CTNNA3: variants seen among roughly 807,000 people sequenced by gnomAD.
The protein encoded by CTNNA3 is catenin alpha 3.
Under a neutral mutation model 95.7 loss-of-function variants are expected in CTNNA3, and 76 were observed. The observed-to-expected ratio is 0.79, with a 90% CI of 0.66 to 0.96. The LOEUF (loss-of-function observed/expected upper bound fraction) is 0.96. Ranked by LOEUF, CTNNA3 falls within the 40% of genes least tolerant of loss-of-function variation. The probability of loss-of-function intolerance (pLI) is 0.00; values close to 1 mark genes in which losing one functional copy is unlikely to be tolerated. For synonymous variants in CTNNA3, 431 were observed against 374.4 expected (o/e 1.15, Z -1.74); for missense variants, 1,191 against 1,089.8 (o/e 1.09, Z -1.31).
Position 67,112,016 on chromosome 10 carries a change from A to G in CTNNA3, c.1047+68301T>C, listed in dbSNP as rs140354127. Among the ~76,000 whole-genome samples the G allele has an allele frequency of 6.1e-3, 931 of 152,256 alleles. 9 individuals carry two copies. The highest frequency in any genetic ancestry group is 0.022 in the African/African-American group (894 of 41,574). On this transcript the variant is annotated intron_variant, in intron 7 of 17. Coordinates refer to ENST00000433211, the MANE Select transcript of CTNNA3 (RefSeq NM_013266.4). ...CTTCAGTAATTTTTAGCCTCCCAAA[A>G]AAAAGTGTCAGAAATGAGGCATGAA...
At chr10:67,512,275 C>A (rs182898997) in intron 5 of CTNNA3, among the ~76,000 whole-genome samples, 19 of 152,066 alleles carry the variant, frequency 1.2e-4, no homozygotes, top group Admixed American at 1.2e-3. Flanking sequence ...GAAATGGGAA[C>A]CTTGGTGGGA....
At position 66,378,301 on chromosome 10, in the gene CTNNA3, T is replaced by C. The variant is rs151265178; in HGVS notation, c.1732+851A>G. ...TCCATATGCATAACATGAAAAATGA[T>C]TCTCCAGGATCGATGACTTAAGGTT... is the stretch of plus-strand genomic sequence containing the variant. On this transcript the variant is annotated intron_variant, in intron 12 of 17. Transcript: ENST00000433211. Among the ~76,000 whole-genome samples the C allele has an allele frequency of 3.3e-3, 503 of 152,234 alleles. 4 individuals carry two copies. Among genetic ancestry groups the C allele is most frequent in the African/African-American group, 0.011 (473 of 41,492 alleles).
intron 7 of CTNNA3, among the ~76,000 whole-genome samples, chr10:67,053,055 A>G (rs1855209865): frequency 6.6e-6 from 1 of 152,202 alleles, no homozygotes; most frequent in African/African-American, 2.4e-5. Flanking sequence ...AACACATACA[A>G]AAGCTAGAGC....
intron 9 of CTNNA3, among the ~76,000 whole-genome samples, chr10:66,630,405 G>T (rs1845091121): frequency 6.6e-6 from 1 of 152,116 alleles, no homozygotes. Flanking sequence ...CCTTAACAAG[G>T]CTTGGGGGGC....
Position 65,944,892 on chromosome 10 carries a change from CT to C in CTNNA3, c.2400+21719del, listed in dbSNP as rs1269672999. ...TCTATCTATCTATCTATCTATCTAT[CT>C]ATCTATCATCTATCTATCATCTATT... On this transcript the variant is annotated intron_variant, in intron 17 of 17. Transcript: ENST00000433211. 4.4e-3 allele frequency among the ~76,000 whole-genome samples: 538 copies of C among 121,660 alleles called. 1 individual carries two copies. Among genetic ancestry groups the C allele is most frequent in the Non-Finnish European group, 7.0e-3 (374 of 53,630 alleles). 79.8% of individuals were successfully genotyped at this position (121,660 alleles called of 152,430 possible).
chr10:66,088,643 T>A (rs923184180), intron 14 of CTNNA3, among the ~76,000 whole-genome samples: 2 of 151,954 alleles, frequency 1.3e-5, no homozygotes, highest in African/African-American at 4.8e-5. Flanking sequence ...ACTTCCCAGT[T>A]TTCCTGCAGA....
At chr10:67,758,051 T>C (rs1260256791) in intron 1 of CTNNA3, among the ~76,000 whole-genome samples, 2 of 151,988 alleles carry the variant, frequency 1.3e-5, no homozygotes, top group African/African-American at 4.8e-5. Context: ...AGGGCCTAAA[T>C]AGAACAAAAA....
intron 7 of CTNNA3, among the ~76,000 whole-genome samples, chr10:67,131,868 G>T (rs987619035): frequency 6.6e-6 from 1 of 152,130 alleles, no homozygotes; most frequent in Non-Finnish European, 1.5e-5. Flanking sequence ...CTAGATCACA[G>T]TGGGCCTAAT....
At chr10:67,675,155 T>C (rs926559590) in intron 1 of CTNNA3, among the ~76,000 whole-genome samples, 1 of 152,100 alleles carries the variant, frequency 6.6e-6, no homozygotes, top group Non-Finnish European at 1.5e-5. Flanking sequence ...ATTGACCCTA[T>C]TGGATTGTTC....
intron 7 of CTNNA3, among the ~76,000 whole-genome samples, chr10:67,121,201 T>G (rs1380125773): frequency 2.0e-5 from 3 of 152,102 alleles, no homozygotes; most frequent in African/African-American, 7.2e-5. Flanking sequence ...TCTTCCGTAT[T>G]GCAGATTATT....
At chr10:66,162,765 A>G (rs1377778960) in intron 13 of CTNNA3, among the ~76,000 whole-genome samples, 2 of 152,038 alleles carry the variant, frequency 1.3e-5, no homozygotes, top group Non-Finnish European at 2.9e-5. Context: ...GTGGGGCTCT[A>G]GAACTCCCAA....
chr10:67,123,901 C>A (rs1859586267), intron 7 of CTNNA3, among the ~76,000 whole-genome samples: 1 of 152,134 alleles, frequency 6.6e-6, no homozygotes, highest in African/African-American at 2.4e-5. Context: ...CTAAACACAG[C>A]CCTGAGGACA....
At chr10:66,021,596 C>T (rs2079210555) in intron 15 of CTNNA3, among the ~76,000 whole-genome samples, 1 of 152,064 alleles carries the variant, frequency 6.6e-6, no homozygotes, top group Admixed American at 6.6e-5. Context: ...TAATTGGGCT[C>T]TACTCTAAAG....
chr10:67,703,469 A>T (rs952898138), intron 1 of CTNNA3, among the ~76,000 whole-genome samples: 4 of 152,190 alleles, frequency 2.6e-5, no homozygotes, highest in Non-Finnish European at 5.9e-5. Context: ...GGCTGGTTCA[A>T]TATACGCAAA....
intron 3 of CTNNA3, among the ~76,000 whole-genome samples, chr10:67,599,088 C>T (rs1351621964): frequency 6.6e-6 from 1 of 152,132 alleles, no homozygotes; most frequent in Non-Finnish European, 1.5e-5. Flanking sequence ...GAAACTCCAC[C>T]AAGGCCACAC....
intron 13 of CTNNA3, among the ~76,000 whole-genome samples, chr10:66,182,286 C>T (rs1295988378): frequency 6.9e-6 from 1 of 144,098 alleles, no homozygotes; most frequent in Non-Finnish European, 1.5e-5. Context: ...GACGGAGTCT[C>T]GCTCTATCGC....
chr10:67,691,962 G>A (rs76740131), intron 1 of CTNNA3, among the ~76,000 whole-genome samples: 4 of 149,564 alleles, frequency 2.7e-5, no homozygotes, highest in African/African-American at 7.4e-5. Context: ...CCCCCCACCC[G>A]GCCAGCCGCC....
At chr10:67,156,452 A>G (rs1861314014) in intron 7 of CTNNA3, among the ~76,000 whole-genome samples, 1 of 152,078 alleles carries the variant, frequency 6.6e-6, no homozygotes, top group Non-Finnish European at 1.5e-5. Context: ...GTTTTGCTGC[A>G]TTCCATGAGC....
At chr10:65,976,223 T>A (rs1297958996) in intron 16 of CTNNA3, among the ~76,000 whole-genome samples, 1 of 152,166 alleles carries the variant, frequency 6.6e-6, no homozygotes, top group Non-Finnish European at 1.5e-5. Context: ...CATTCTGATT[T>A]GTAAGTTGGT....
Sources: allele counts gnomAD v4.1 joint callset (sites outside exome capture counted in the v4.1 genomes callset), GRCh38; gene constraint gnomAD v4.1.1; transcripts MANE v1.5; gene names NCBI Gene and HGNC (gene_info 2026-07-23, HGNC 2026-07-21).